PYHIN1: variants seen among roughly 807,000 people sequenced by gnomAD.
PYHIN1 encodes pyrin and HIN domain-containing protein 1.
PYHIN1 carries 32 observed loss-of-function variants against 43.7 expected under a neutral mutation model. That is an observed-to-expected ratio of 0.73 (90% confidence interval 0.55 to 0.98). The LOEUF is 0.98. Among genes scored for constraint, PYHIN1 ranks in the 50% least tolerant of loss-of-function variants. The probability of loss-of-function intolerance (pLI) is 0.00; values close to 1 mark genes in which losing one functional copy is unlikely to be tolerated. For missense variants in PYHIN1, 588 were observed against 589.5 expected, an observed-to-expected ratio of 1.00 and a Z score of 0.03; for synonymous variants, 205 against 203.1, an observed-to-expected ratio of 1.01 and a Z score of -0.08.
At position 158,942,115 on chromosome 1, in the gene PYHIN1, C is replaced by T; in HGVS notation, c.718C>T (p.His240Tyr). 1 of 1,614,092 alleles carries T rather than the reference C, an allele frequency of 6.2e-7. No homozygotes were observed. The highest frequency in any genetic ancestry group is 1.7e-5 in the Admixed American group (1 of 60,024). Reference protein sequence around the residue: ...SSENEQRRMFHATVATQTQFF... With the variant: ...SSENEQRRMFYATVATQTQFF... Reference sequence around the variant, plus strand: ...AGAAAATGAGCAAAGAAGAATGTTTCATGCTACAGTGGCTACGCAGACACA... The same window carrying T: ...AGAAAATGAGCAAAGAAGAATGTTTTATGCTACAGTGGCTACGCAGACACA... Residue 240 changes from histidine (H) to tyrosine (Y), a missense_variant, in exon 5 of 9, where the codon CAT (histidine) becomes TAT (tyrosine). By Grantham distance (83) the His-to-Tyr change is moderately conservative. Coordinates refer to ENST00000368140, the MANE Select transcript of PYHIN1 (RefSeq NM_152501.5).
At chr1:158,946,552 T>C (rs866783766) in intron 7 of PYHIN1, among the ~76,000 whole-genome samples, 2 of 74,782 alleles carry the variant, frequency 2.7e-5, no homozygotes, top group African/African-American at 9.5e-5. Context: ...AGTGATTAGA[T>C]AGATAGATAG....
At chr1:158,970,924 C>T (rs1373521061) in intron 7 of PYHIN1, among the ~76,000 whole-genome samples, 7 of 151,900 alleles carry the variant, frequency 4.6e-5, no homozygotes, top group Admixed American at 3.3e-4. Flanking sequence ...GAAATCTCTC[C>T]CAAGCTAATA....
At chr1:158,980,048 T>C (rs1219883437), downstream of PYHIN1, among the ~76,000 whole-genome samples, 1 of 152,190 alleles carries the variant, frequency 6.6e-6, no homozygotes, top group Non-Finnish European at 1.5e-5. Context: ...TCTATGTTCC[T>C]GCAAAGGACA....
chr1:158,975,850 A>G (rs531783646), intron 8 of PYHIN1, among the ~76,000 whole-genome samples: 1 of 152,248 alleles, frequency 6.6e-6, no homozygotes, highest in Non-Finnish European at 1.5e-5. Context: ...ACCTAATAGA[A>G]TGGAAATAAT....
At chr1:158,987,457 T>A in the PYHIN1 span, among the ~76,000 whole-genome samples, 1 of 152,192 alleles carries the variant, frequency 6.6e-6, no homozygotes, top group African/African-American at 2.4e-5. Flanking sequence ...TTATTGAATA[T>A]ATGATTTGCA....
intron 7 of PYHIN1, among the ~76,000 whole-genome samples, chr1:158,972,666 T>A (rs1313453855): frequency 6.6e-6 from 1 of 152,088 alleles, no homozygotes; most frequent in Non-Finnish European, 1.5e-5. Flanking sequence ...TTCCTACATG[T>A]TTTTGTTTCA....
chr1:158,952,091 C>T lies in PYHIN1; in HGVS notation c.1359+7049C>T, dbSNP rs1008398549. ...GGCTGCGTTGCGCTTGCCTAGGCGC[C>T]GCTTTTGCCTGTGTCGGTTTTTTTT... On this transcript the variant is annotated intron_variant, in intron 7 of 8. Transcript: ENST00000368140. Among the ~76,000 whole-genome samples, 5 of 149,854 alleles carry T rather than the reference C, an allele frequency of 3.3e-5. No homozygotes were observed. The East Asian group carries it at 7.8e-4, about 24-fold the overall frequency.
chr1:158,943,769 G>A (rs753055841), intron 5 of PYHIN1, 21 bp from the exon 6 acceptor site: 8 of 1,573,670 alleles, frequency 5.1e-6, no homozygotes, highest in South Asian at 1.1e-5. Flanking sequence ...TCACAAACAT[G>A]ATATTAATTT....
intron 7 of PYHIN1, among the ~76,000 whole-genome samples, chr1:158,957,261 G>T (rs974139432): frequency 6.7e-6 from 1 of 149,800 alleles, no homozygotes; most frequent in Admixed American, 6.7e-5. Context: ...CTACTTTAAA[G>T]TTCATATGGA....
chr1:158,986,642 C>A, the PYHIN1 span, among the ~76,000 whole-genome samples: 1 of 152,196 alleles, frequency 6.6e-6, no homozygotes, highest in African/African-American at 2.4e-5. Flanking sequence ...GATGGGGACA[C>A]TCTGATCAAA....
the PYHIN1 span, among the ~76,000 whole-genome samples, chr1:158,990,611 A>G: frequency 6.6e-6 from 1 of 152,124 alleles, no homozygotes; most frequent in Non-Finnish European, 1.5e-5. Context: ...AGATTTCTTG[A>G]TATTTATTAC....
chr1:158,938,568 T>C (rs1249659664), intron 3 of PYHIN1, 26 bp downstream of exon 3: 6 of 1,611,808 alleles, frequency 3.7e-6, no homozygotes, highest in South Asian at 2.2e-5. Flanking sequence ...AGGAGCAGGC[T>C]TCAAGTCTCA....
chr1:158,987,103 C>T, the PYHIN1 span, among the ~76,000 whole-genome samples: 6,998 of 152,218 alleles, frequency 0.046, 540 homozygotes, highest in African/African-American at 0.16. Flanking sequence ...TGATACTAGA[C>T]ATCCTAACAG....
chr1:158,958,612 G>C lies in PYHIN1; in HGVS notation c.1359+13570G>C, dbSNP rs192564138. Among the ~76,000 whole-genome samples, 53 of 113,806 alleles carry C rather than the reference G, an allele frequency of 4.7e-4. No homozygotes were observed. In the East Asian group the frequency reaches 0.011, roughly 25 times the overall value. 74.7% of individuals were successfully genotyped at this position (113,806 alleles called of 152,430 possible). A position where few individuals can be genotyped will look rare whatever the true frequency, so the allele number is the denominator to read the frequency against. ...CACACTCTGGGGACTGTGGTGGGGT[G>C]GGGGGAGGGGAAAGGGATAGCATTG... On this transcript the variant is annotated intron_variant, in intron 7 of 8. Transcript: ENST00000368140.
intron 7 of PYHIN1, among the ~76,000 whole-genome samples, chr1:158,964,019 A>T (rs904182514): frequency 6.6e-6 from 1 of 152,196 alleles, no homozygotes; most frequent in Admixed American, 6.5e-5. Flanking sequence ...TGATAGAAAA[A>T]ATGGCCATCA....
intron 7 of PYHIN1, among the ~76,000 whole-genome samples, chr1:158,960,099 C>T (rs1043780256): frequency 2.6e-5 from 4 of 152,214 alleles, no homozygotes; most frequent in African/African-American, 9.6e-5. Flanking sequence ...TTCCTATATA[C>T]AAGCTCTCTA....
chr1:158,938,275 G>A lies in PYHIN1; in HGVS notation c.266-122G>A, dbSNP rs950910640. 4.7e-6 allele frequency: 5 copies of A among 1,053,916 alleles called. No homozygotes were observed. In the Admixed American group the frequency reaches 6.1e-5, roughly 13 times the overall value. 65.3% of individuals were successfully genotyped at this position (1,053,916 alleles called of 1,614,324 possible). ...GAAGCCAGACTAGGCTAATGCAATAGAGATAGACTAAAATACACCTGAACC... is the reference window on the plus strand; with the variant it reads ...GAAGCCAGACTAGGCTAATGCAATAAAGATAGACTAAAATACACCTGAACC... On this transcript the variant is annotated intron_variant, in intron 2 of 8. Transcript: ENST00000368140.
chr1:158,938,273 TAGAG>T, intron 2 of PYHIN1, 120 bp from the exon 3 acceptor site: 3 of 1,037,366 alleles, frequency 2.9e-6, no homozygotes, highest in Non-Finnish European at 2.9e-6. Flanking sequence ...GCTAATGCAA[TAGAG>T]ATAGACTAAA....
Position 158,973,653 on chromosome 1 carries a change from G to A in PYHIN1, c.1366G>A (p.Glu456Lys), listed in dbSNP as rs1651074518. 3.1e-6 allele frequency: 5 copies of A among 1,613,000 alleles called. No individual in the cohort carries two copies. Among genetic ancestry groups the A allele is most frequent in the Non-Finnish European group, 4.2e-6 (5 of 1,179,336 alleles). Residue 456 changes from glutamate (E) to lysine (K), a missense_variant, in exon 8 of 9, where the codon GAA becomes AAA. Transcript: ENST00000368140. ...CCCAAATTTATGACTCCAGAAGGAT[G>A]AAACCCACCCAGGAGCACAGTCATC... Reference protein sequence around the residue: ...PSSSSFTKKDETHPGAQSSPA... With the variant: ...PSSSSFTKKDKTHPGAQSSPA...
Sources: gnomAD v4.1 joint callset for allele counts (sites outside exome capture counted in the v4.1 genomes callset) on GRCh38, gnomAD v4.1.1 for gene constraint, MANE v1.5 for transcripts, NCBI Gene and HGNC (gene_info 2026-07-23, HGNC 2026-07-21) for gene names.